CUL3: variants seen among roughly 807,000 people sequenced by gnomAD.
CUL3 encodes the protein cullin-3.
CUL3 carries 19 observed loss-of-function variants against 89.1 expected under a neutral mutation model. The ratio of observed to expected loss-of-function variants is 0.21; its 90% CI spans 0.15 to 0.31. CUL3 has a LOEUF of 0.31. CUL3 is among the 10% of genes least tolerant of loss of function. The pLI is 1.00. For synonymous variants in CUL3, 351 were observed against 308.4 expected, an observed-to-expected ratio of 1.14 and a Z score of -1.45; for missense variants, 469 against 942.3, an observed-to-expected ratio of 0.50 and a Z score of 6.58.
rs1438367743 is a variant in CUL3, at chr2:224,544,073, CACTA to C, written c.265-8436_265-8433del. The stretch of plus-strand genomic sequence containing the variant: ...TTTGCAGACAACTGCCCAGGGAAGT[CACTA>C]ACTAAGGGCTCTGAGCAAGTCACCT... On this transcript the variant is annotated intron_variant, in intron 2 of 15. Coordinates refer to ENST00000264414, the MANE Select transcript of CUL3 (RefSeq NM_003590.5). 2.0e-5 allele frequency among the ~76,000 whole-genome samples: 3 copies of C among 152,112 alleles called. 1 individual carries two copies. The highest frequency in any genetic ancestry group is 4.1e-4 in the South Asian group (2 of 4,828).
intron 3 of CUL3, among the ~76,000 whole-genome samples, chr2:224,526,407 G>A (rs1693474841): frequency 1.3e-5 from 2 of 151,820 alleles, no homozygotes; most frequent in South Asian, 2.1e-4. Flanking sequence ...CCAACGTGGT[G>A]AATCCCGTCT....
At chr2:224,579,916 A>C (rs1242577148) in intron 1 of CUL3, among the ~76,000 whole-genome samples, 1 of 152,188 alleles carries the variant, frequency 6.6e-6, no homozygotes, top group African/African-American at 2.4e-5. Context: ...AGCTCATCAA[A>C]CCCATGTGGG....
intron 2 of CUL3, among the ~76,000 whole-genome samples, chr2:224,535,877 A>G (rs974805421): frequency 1.3e-5 from 2 of 152,186 alleles, no homozygotes; most frequent in Non-Finnish European, 2.9e-5. Flanking sequence ...CTTCCTAGGT[A>G]TTTCCCAACC....
intron 1 of CUL3, among the ~76,000 whole-genome samples, chr2:224,571,037 AATGTGATAATGACCACAACAAATAAG>A (rs1695169512): frequency 6.6e-6 from 1 of 152,220 alleles, no homozygotes; most frequent in Non-Finnish European, 1.5e-5. Flanking sequence ...AACATTTCAA[AATGTGATAATGACCACAACAAATAAG>A]ATACAATAAT....
intron 3 of CUL3, among the ~76,000 whole-genome samples, chr2:224,535,179 T>G (rs1693842219): frequency 6.6e-6 from 1 of 152,176 alleles, no homozygotes; most frequent in East Asian, 1.9e-4. Context: ...AAAGTCATTG[T>G]GTTTTGAAAT....
chr2:224,501,968 C>G (rs542104328), intron 10 of CUL3, among the ~76,000 whole-genome samples: 2 of 152,250 alleles, frequency 1.3e-5, no homozygotes, highest in African/African-American at 4.8e-5. Context: ...AAATAAAAAT[C>G]CAGGATAATT....
At chr2:224,580,496 C>T (rs982647774) in intron 1 of CUL3, among the ~76,000 whole-genome samples, 4 of 152,156 alleles carry the variant, frequency 2.6e-5, no homozygotes, top group Non-Finnish European at 5.9e-5. Context: ...CCAGCCTGGC[C>T]AACATGGCGA....
At chr2:224,503,595 C>T (rs1692480209) in intron 9 of CUL3, 57 bp downstream of exon 9, 1 of 1,357,346 alleles carries the variant, frequency 7.4e-7, no homozygotes, top group Non-Finnish European at 9.9e-7. Flanking sequence ...GTTGTCAGTA[C>T]ACAATCATAA....
At chr2:224,562,997 G>C (rs1267518027) in intron 1 of CUL3, 1 of 214,978 alleles carries the variant, frequency 4.7e-6, no homozygotes, top group Non-Finnish European at 9.4e-6. Context: ...AACGTCAGTA[G>C]ATTTAACACA....
At chr2:224,519,843 A>T (rs1035858552) in intron 3 of CUL3, among the ~76,000 whole-genome samples, 1 of 152,058 alleles carries the variant, frequency 6.6e-6, no homozygotes, top group Non-Finnish European at 1.5e-5. Flanking sequence ...TTATGTGTCT[A>T]TTTTTTAAGA....
In CUL3 at chr2:224,478,335, T is replaced by A. The variant is rs1293256199; in HGVS notation, c.2040A>T (p.Lys680Asn). ...HRVKIQTVAA[K>N]QGESDPERKE... ...TCCTCTCTGGGTCGGATTCACCTTGTTTGGCAGCAACTAAAATAGAAATAA... is the reference window on the plus strand; with the variant it reads ...TCCTCTCTGGGTCGGATTCACCTTGATTGGCAGCAACTAAAATAGAAATAA... Residue 680 changes from lysine (K) to asparagine (N), a missense_variant, in exon 15 of 16, where the codon AAA becomes AAT. Physicochemically the swap from Lys to Asn is moderately conservative, Grantham distance 94. This residue lies in a region of CUL3 where 65 missense variants were observed against 147.8 expected (regional missense o/e 0.44). Coordinates refer to ENST00000264414, the MANE Select transcript of CUL3 (RefSeq NM_003590.5). 6.2e-7 allele frequency: 1 copy of A among 1,608,300 alleles called. No individual in the cohort carries two copies. The highest frequency in any genetic ancestry group is 8.5e-7 in the Non-Finnish European group (1 of 1,178,352).
At chr2:224,522,394 T>C (rs1255950066) in intron 3 of CUL3, among the ~76,000 whole-genome samples, 2 of 150,980 alleles carry the variant, frequency 1.3e-5, no homozygotes, top group South Asian at 2.1e-4. Flanking sequence ...AGTAACTGAC[T>C]ACACTTCTAA....
chr2:224,584,117 C>T (rs74682211), intron 1 of CUL3, among the ~76,000 whole-genome samples: 1 of 152,168 alleles, frequency 6.6e-6, no homozygotes, highest in Non-Finnish European at 1.5e-5. Flanking sequence ...CGCAAGGGTA[C>T]GACTCAACGT....
At chr2:224,569,837 T>C (rs1247926641) in intron 1 of CUL3, 2 of 1,017,916 alleles carry the variant, frequency 2.0e-6, no homozygotes, top group African/African-American at 1.7e-5. Context: ...AGAAAAAATT[T>C]AGAACAGGGT....
rs1205747981 is a variant in CUL3, at chr2:224,485,894, C to CAA, written c.1843-3818_1843-3817dup. Among the ~76,000 whole-genome samples, 1 of 152,194 alleles carries CAA rather than the reference C, an allele frequency of 6.6e-6. No homozygotes were observed. Among genetic ancestry groups the CAA allele is most frequent in the African/African-American group, 2.4e-5 (1 of 41,450 alleles). ...GCATCTGGCAGGTGCCCCTCTGGGA[C>CAA]AAAGCTTCCAGAGGAAGGAGCAGGC... On this transcript the variant is annotated intron_variant, in intron 13 of 15. Transcript: ENST00000264414. This position sits in a 1 kb window ranked among gnomAD's most constrained non-coding sequence, Gnocchi z 4.1.
intron 2 of CUL3, chr2:224,556,264 T>A (rs1324044729): frequency 1.3e-5 from 2 of 152,130 alleles, no homozygotes; most frequent in Non-Finnish European, 2.9e-5. Flanking sequence ...CTGAACAGAT[T>A]ACTTATGAAT....
intron 2 of CUL3, among the ~76,000 whole-genome samples, chr2:224,542,696 A>C (rs990905469): frequency 6.6e-6 from 1 of 152,182 alleles, no homozygotes; most frequent in Non-Finnish European, 1.5e-5. Context: ...CGCATGAGTC[A>C]CCGTGTCTGG....
chr2:224,552,963 A>T (rs1237125084), intron 2 of CUL3, among the ~76,000 whole-genome samples: 1 of 152,200 alleles, frequency 6.6e-6, no homozygotes, highest in Non-Finnish European at 1.5e-5. Flanking sequence ...TAGTCAAAAG[A>T]TGCAATGCAG....
rs1691161932 is a variant in CUL3, at chr2:224,472,371, G to A, written c.*1874C>T. ...GTTTACTAACTCGACAATCTGAGCT[G>A]TCCTGTTTTCCCAGGTGTTAAATAT... On this transcript the variant is annotated 3_prime_UTR_variant, in exon 16 of 16. Transcript: ENST00000264414. 2 of 209,422 alleles carry A rather than the reference G, an allele frequency of 9.6e-6. No homozygotes were observed. The allele number at this position is 209,422 out of a possible 1,614,324, so 13.0% of individuals were successfully genotyped here.
Sources: gnomAD v4.1 joint callset for allele counts (sites outside exome capture counted in the v4.1 genomes callset) on GRCh38, gnomAD v4.1.1 for gene constraint, gnomAD v4.1.1 regional missense constraint, Gnocchi (gnomAD v3.1) non-coding constraint, MANE v1.5 for transcripts, NCBI Gene and HGNC (gene_info 2026-07-23, HGNC 2026-07-21) for gene names.